Variants in EXOC2 observed in about 807,000 individuals in gnomAD.
EXOC2 encodes SEC5-like 1.
EXOC2 carries 70 observed loss-of-function variants against 131.8 expected under a neutral mutation model. That is an observed-to-expected ratio of 0.53 (90% CI 0.44 to 0.65). EXOC2 has a LOEUF of 0.65. Ranked by LOEUF, EXOC2 falls within the 30% of genes least tolerant of loss-of-function variation. EXOC2 has a pLI of 0.00. For missense variants in EXOC2, 923 were observed against 1,108.6 expected (o/e 0.83, Z 2.38); for synonymous variants, 411 against 398.4 (o/e 1.03, Z -0.38).
chr6:532,601 C>A lies in EXOC2; in HGVS notation c.2248G>T (p.Ala750Ser). The A allele has an allele frequency of 6.3e-7, 1 of 1,582,740 alleles. No individual in the cohort carries two copies. The highest frequency in any genetic ancestry group is 8.6e-7 in the Non-Finnish European group (1 of 1,168,452). The change falls in exon 23 of 28, where the codon GCC becomes TCC. Residue 750 changes from alanine (A) to serine (S), a missense_variant. Transcript: ENST00000230449. Reference sequence around the variant, plus strand: ...CTTTGATCTAGTTCTTTCAATGAGGCCATGCTAACCTATAAACACATAATG... The same window carrying A: ...CTTTGATCTAGTTCTTTCAATGAGGACATGCTAACCTATAAACACATAATG... ...GIEKITQVSM[A>S]SLKELDQRLF...
chr6:651,171 C>G (rs1762812921), intron 1 of EXOC2, among the ~76,000 whole-genome samples: 1 of 151,958 alleles, frequency 6.6e-6, no homozygotes, highest in Non-Finnish European at 1.5e-5. Flanking sequence ...GCTGAGACTA[C>G]AGGCGCCCGC....
intron 13 of EXOC2, among the ~76,000 whole-genome samples, chr6:567,669 T>C (rs1318148613): frequency 6.6e-6 from 1 of 152,100 alleles, no homozygotes; most frequent in African/African-American, 2.4e-5. Flanking sequence ...ACATGATGTG[T>C]TGTGTGTCTG....
chr6:539,137 G>C (rs560217591), intron 22 of EXOC2, among the ~76,000 whole-genome samples: 2 of 152,194 alleles, frequency 1.3e-5, no homozygotes, highest in South Asian at 4.2e-4. Context: ...ATTTTGGAAG[G>C]GTTTATCTGG....
chr6:569,700 T>C (rs1238306378), intron 13 of EXOC2, among the ~76,000 whole-genome samples: 2 of 152,232 alleles, frequency 1.3e-5, no homozygotes, highest in African/African-American at 2.4e-5. Flanking sequence ...TTTCAAAGCA[T>C]GCCCAAATCT....
chr6:489,188 AG>A lies in EXOC2; in HGVS notation c.2622-151del, dbSNP rs1763276227. On this transcript the variant is annotated intron_variant, in intron 26 of 27. Coordinates refer to ENST00000230449, the MANE Select transcript of EXOC2 (RefSeq NM_018303.6). The stretch of plus-strand genomic sequence containing the variant: ...AGTAAAAGTGAAAAACAATAGAAAA[AG>A]TAAAAGTAAAAGCGAAGGTGTAGCT... 4.0e-6 allele frequency: 3 copies of A among 752,150 alleles called. No homozygotes were observed. The South Asian group carries it at 6.7e-5, about 17-fold the overall frequency. 46.6% of individuals were successfully genotyped at this position (752,150 alleles called of 1,614,324 possible).
At chr6:512,959 G>A (rs904153576) in intron 23 of EXOC2, among the ~76,000 whole-genome samples, 5 of 152,140 alleles carry the variant, frequency 3.3e-5, no homozygotes, top group Non-Finnish European at 4.4e-5. Context: ...AATCCATGAG[G>A]TTTTCAATAT....
chr6:630,101 G>C, intron 3 of EXOC2, 140 bp from the exon 4 acceptor site: 1 of 1,069,034 alleles, frequency 9.4e-7, no homozygotes, highest in Non-Finnish European at 1.2e-6. Context: ...GGACATAACA[G>C]CTAAATTTTT....
intron 2 of EXOC2, among the ~76,000 whole-genome samples, chr6:637,076 A>T (rs1458563342): frequency 2.0e-5 from 3 of 152,204 alleles, no homozygotes; most frequent in Non-Finnish European, 4.4e-5. Context: ...CAACATCCAG[A>T]AATATTTATA....
intron 4 of EXOC2, among the ~76,000 whole-genome samples, chr6:626,464 A>C (rs1352076228): frequency 6.6e-6 from 1 of 152,168 alleles, no homozygotes; most frequent in African/African-American, 2.4e-5. Flanking sequence ...AGGGCCCCTC[A>C]CGTTCCCAGT....
At chr6:627,326 T>A (rs182610306) in intron 4 of EXOC2, among the ~76,000 whole-genome samples, 2 of 152,246 alleles carry the variant, frequency 1.3e-5, no homozygotes, top group African/African-American at 2.4e-5. Context: ...CTACACCTAT[T>A]CTTACTTTCA....
At chr6:490,490 G>C (rs1419811045) in intron 26 of EXOC2, among the ~76,000 whole-genome samples, 2 of 152,236 alleles carry the variant, frequency 1.3e-5, no homozygotes, top group African/African-American at 4.8e-5. Context: ...CGTATTTTCA[G>C]TTGCAAAGCT....
At chr6:515,443 A>C (rs1044483585) in intron 23 of EXOC2, among the ~76,000 whole-genome samples, 5 of 152,306 alleles carry the variant, frequency 3.3e-5, no homozygotes, top group Admixed American at 3.3e-4. Flanking sequence ...CAATCCTTAG[A>C]ATGTCGGCAC....
rs748605989 is a variant in EXOC2 at position 556,566 on chromosome 6, TG to T, written c.1852-3del. 6.2e-7 allele frequency: 1 copy of T among 1,614,114 alleles called. No individual in the cohort carries two copies. On this transcript the variant is annotated splice_polypyrimidine_tract_variant and splice_region_variant and intron_variant, in intron 17 of 27. Transcript: ENST00000230449. ...GATGCACTGTTCAAACTGACATGGC[TG>T]AAGGGAAAACAGCATATTGTAAAAC... is the stretch of plus-strand genomic sequence containing the variant.
intron 11 of EXOC2, among the ~76,000 whole-genome samples, chr6:583,039 A>C (rs189434659): frequency 1.3e-5 from 2 of 152,232 alleles, no homozygotes; most frequent in Non-Finnish European, 2.9e-5. Flanking sequence ...TGAGAATCAT[A>C]TATTTGTAAT....
chr6:637,880 A>T lies in EXOC2; in HGVS notation c.-43-19T>A. ...AAGTAATCTGTTAAAAGAGAAAGAAAAAAGGATTAGTACCAACTGAGACAA... is the reference window on the plus strand; with the variant it reads ...AAGTAATCTGTTAAAAGAGAAAGAATAAAGGATTAGTACCAACTGAGACAA... On this transcript the variant is annotated intron_variant, in intron 1 of 27. Coordinates refer to ENST00000230449, the MANE Select transcript of EXOC2 (RefSeq NM_018303.6). The T allele has an allele frequency of 6.7e-7, 1 of 1,488,664 alleles. No homozygotes were observed. Among genetic ancestry groups the T allele is most frequent in the Non-Finnish European group, 9.3e-7 (1 of 1,077,278 alleles). 92.2% of individuals were successfully genotyped at this position (1,488,664 alleles called of 1,614,324 possible).
chr6:514,721 C>T (rs17134263), intron 23 of EXOC2, among the ~76,000 whole-genome samples: 25,373 of 152,138 alleles, frequency 0.17, 2,420 homozygotes, highest in African/African-American at 0.26. Context: ...GCCCAAGGGA[C>T]GCAGAGGCCA....
chr6:608,555 A>G (rs1467907100), intron 7 of EXOC2, among the ~76,000 whole-genome samples: 2 of 151,836 alleles, frequency 1.3e-5, no homozygotes, highest in Admixed American at 6.6e-5. Flanking sequence ...ACTTTTCTGG[A>G]AAAAAAAATT....
chr6:609,469 A>C (rs1581547385), intron 7 of EXOC2, among the ~76,000 whole-genome samples: 1 of 152,252 alleles, frequency 6.6e-6, no homozygotes, highest in African/African-American at 2.4e-5. Context: ...TCATCTGATC[A>C]CTTTCTTCTA....
rs200176296 is a variant in EXOC2, at chr6:486,680, C to T, written c.2766G>A (p.Met922Ile). 6.2e-7 allele frequency: 1 copy of T among 1,613,954 alleles called. No individual in the cohort carries two copies. The highest frequency in any genetic ancestry group is 8.5e-7 in the Non-Finnish European group (1 of 1,179,894). Residue 922 changes from methionine to isoleucine, a missense_variant, in exon 28 of 28, where the codon ATG becomes ATA. Transcript: ENST00000230449. ...TTTATGTGGCAGATATTTATGTTTT[C>T]ATCATGGTTGAAGAAGCTGCTTGGA... is the stretch of plus-strand genomic sequence containing the variant. Reference protein sequence around the residue: ...TCFQAASSTMMKT With the variant: ...TCFQAASSTMIKT
Sources: allele counts gnomAD v4.1 joint callset (sites outside exome capture counted in the v4.1 genomes callset), GRCh38; gene constraint gnomAD v4.1.1; transcripts MANE v1.5; gene names NCBI Gene and HGNC (gene_info 2026-07-23, HGNC 2026-07-21).